Variants in SH3TC1 observed in about 807,000 individuals in gnomAD.
SH3TC1 encodes SH3 domain and tetratricopeptide repeat-containing protein 1.
In SH3TC1, 135 loss-of-function variants were observed where a neutral mutation model predicts 117.3. The observed-to-expected ratio is 1.15, with a 90% CI of 1.00 to 1.33. SH3TC1 has a LOEUF of 1.33. Among genes scored for constraint, SH3TC1 ranks in the 40% most tolerant of loss-of-function variants. SH3TC1 has a pLI of 0.00. For missense variants in SH3TC1, 2,092 were observed against 1,794.3 expected (o/e 1.17, Z -3.00); for synonymous variants, 898 against 816.9 (o/e 1.10, Z -1.69).
chr4:8,203,569 C>T (rs1038262119), intron 1 of SH3TC1, among the ~76,000 whole-genome samples: 3 of 152,082 alleles, frequency 2.0e-5, no homozygotes, highest in African/African-American at 7.2e-5. Flanking sequence ...ATTTTCCGTG[C>T]TGCTGTCTAA....
chr4:8,212,832 A>T lies in SH3TC1; in HGVS notation c.375+4A>T. ...GGAGATGGCCCGCGTGCTTGGGGTG[A>T]GTAGCCCTCTGGGGCCTGCTCAGGG... On this transcript the variant is annotated splice_donor_region_variant and intron_variant, in intron 4 of 17. Transcript: ENST00000245105. 1.3e-6 allele frequency: 2 copies of T among 1,567,580 alleles called. No homozygotes were observed. Among genetic ancestry groups the T allele is most frequent in the African/African-American group, 1.3e-5 (1 of 74,270 alleles).
chr4:8,207,690 C>T (rs1376868826), intron 2 of SH3TC1, among the ~76,000 whole-genome samples: 1 of 152,246 alleles, frequency 6.6e-6, no homozygotes, highest in South Asian at 2.1e-4. Flanking sequence ...CCTATTTTGT[C>T]ATTCAAATCA....
intron 1 of SH3TC1, among the ~76,000 whole-genome samples, chr4:8,189,186 T>C (rs1220831057): frequency 6.6e-6 from 1 of 152,266 alleles, no homozygotes; most frequent in Non-Finnish European, 1.5e-5. Flanking sequence ...CACTGGCACT[T>C]GGTTTGTTAG....
At position 8,235,566 on chromosome 4, in the gene SH3TC1, C is replaced by T. The variant is rs753617459; in HGVS notation, c.3405+11C>T. On this transcript the variant is annotated intron_variant, in intron 15 of 17. Transcript: ENST00000245105. The stretch of plus-strand genomic sequence containing the variant: ...GTGTCCTTCTACCGGGTGAGCTGGC[C>T]TGTGGGCTGATGTGGGTGGGCCCCA... 1.3e-6 allele frequency: 2 copies of T among 1,584,718 alleles called. No homozygotes were observed. Among genetic ancestry groups the T allele is most frequent in the Non-Finnish European group, 1.7e-6 (2 of 1,163,802 alleles).
At chr4:8,219,551 C>G in intron 9 of SH3TC1, 21 bp downstream of exon 9, 1 of 1,499,756 alleles carries the variant, frequency 6.7e-7, no homozygotes. Flanking sequence ...GGAGCCCCGC[C>G]CCTTTCCTGA....
At chr4:8,226,102 A>G (rs1720437102) in intron 11 of SH3TC1, among the ~76,000 whole-genome samples, 1 of 152,210 alleles carries the variant, frequency 6.6e-6, no homozygotes, top group South Asian at 2.1e-4. Flanking sequence ...GACAGTTTGT[A>G]GTGAAAATAT....
chr4:8,232,157 GTGAGGGCTGGCTC>G lies in SH3TC1; in HGVS notation c.3131+4_3131+16del, dbSNP rs767404185. On this transcript the variant is annotated splice_donor_variant and splice_donor_5th_base_variant and intron_variant, in intron 13 of 17. Coordinates refer to ENST00000245105, the MANE Select transcript of SH3TC1 (RefSeq NM_018986.5). LOFTEE classifies it high-confidence loss of function. ...TCTACCTGTCCCTGGGCACCGAGCGGTGAGGGCTGGCTCTGTGGTGGTGGGGGCGGGGGGAGGG... is the reference window on the plus strand; with the variant it reads ...TCTACCTGTCCCTGGGCACCGAGCGGTGTGGTGGTGGGGGCGGGGGGAGGG... The G allele has an allele frequency of 3.0e-5, 41 of 1,371,616 alleles. No homozygotes were observed. Among genetic ancestry groups the G allele is most frequent in the Non-Finnish European group, 3.9e-5 (40 of 1,032,996 alleles). 85.0% of individuals were successfully genotyped at this position (1,371,616 alleles called of 1,614,324 possible). A position where few individuals can be genotyped will look rare whatever the true frequency, so the allele number is the denominator to read the frequency against.
intron 6 of SH3TC1, 82 bp downstream of exon 6, chr4:8,216,339 G>C (rs1039704477): frequency 1.3e-6 from 2 of 1,535,002 alleles, no homozygotes; most frequent in Non-Finnish European, 1.8e-6. Context: ...GGATCCCGCT[G>C]TGCTGAGCAT....
At position 8,232,790 on chromosome 4, in the gene SH3TC1, A is replaced by G. The variant is rs1721366289; in HGVS notation, c.3132-573A>G. On this transcript the variant is annotated intron_variant, in intron 13 of 17. Transcript: ENST00000245105. Reference sequence around the variant, plus strand: ...GCCGGATTCCACAGGGACCCGGGAGATCGGCTCCAGCCTTGGCCTCAGGTT... The same window carrying G: ...GCCGGATTCCACAGGGACCCGGGAGGTCGGCTCCAGCCTTGGCCTCAGGTT... 31 of 1,288,394 alleles carry G rather than the reference A, an allele frequency of 2.4e-5. No homozygotes were observed. In the South Asian group the frequency reaches 3.2e-4, roughly 13 times the overall value. 79.8% of individuals were successfully genotyped at this position (1,288,394 alleles called of 1,614,324 possible). A position where few individuals can be genotyped will look rare whatever the true frequency, so the allele number is the denominator to read the frequency against.
In SH3TC1 at chr4:8,183,419, T is replaced by C. The variant is rs1376468455; in HGVS notation, c.-57+1209T>C. 6.6e-6 allele frequency among the ~76,000 whole-genome samples: 1 copy of C among 152,154 alleles called. No individual in the cohort carries two copies. The highest frequency in any genetic ancestry group is 6.5e-5 in the Admixed American group (1 of 15,276). Reference sequence around the variant, plus strand: ...GCATCTCTGTGATTAACTCACTCCCTGTACAGTAGAGGGAGGCGTGGCCCA... The same window carrying C: ...GCATCTCTGTGATTAACTCACTCCCCGTACAGTAGAGGGAGGCGTGGCCCA... On this transcript the variant is annotated intron_variant, in intron 1 of 16. Coordinates refer to the SH3TC1 transcript ENST00000508641. This position sits in a 1 kb window ranked among gnomAD's most constrained non-coding sequence, Gnocchi z 5.4.
intron 10 of SH3TC1, chr4:8,224,554 T>C (rs1470307869): frequency 6.6e-6 from 1 of 152,512 alleles, no homozygotes; most frequent in African/African-American, 2.4e-5. Context: ...GTTATCGCAG[T>C]TCACAGCGCT....
chr4:8,183,400 C>T lies in SH3TC1; in HGVS notation c.-57+1190C>T, dbSNP rs1177659697. On this transcript the variant is annotated intron_variant, in intron 1 of 16. Transcript: ENST00000508641. This position sits in a 1 kb window ranked among gnomAD's most constrained non-coding sequence, Gnocchi z 5.4. ...GAAACCGGCCCTGCCCCACGCATCT[C>T]TGTGATTAACTCACTCCCTGTACAG... Among the ~76,000 whole-genome samples the T allele has an allele frequency of 6.6e-6, 1 of 152,182 alleles. No homozygotes were observed. The highest frequency in any genetic ancestry group is 1.5e-5 in the Non-Finnish European group (1 of 68,026).
rs564076543 is a variant in SH3TC1, at chr4:8,209,703, C to T, written c.173-45C>T. ...GTTTGGCGCCTTCAGAGGAGCCAGG[C>T]CTTTGCTTGGTCTCCCCTAATCCTG... On this transcript the variant is annotated intron_variant, in intron 2 of 17. Transcript: ENST00000245105. This position sits in a 1 kb window ranked among gnomAD's most constrained non-coding sequence, Gnocchi z 5.9. 3.2e-4 allele frequency: 511 copies of T among 1,612,178 alleles called. 10 individuals carry two copies. In the South Asian group the frequency reaches 5.3e-3, roughly 17 times the overall value.
chr4:8,188,728 G>C (rs764239581), intron 1 of SH3TC1, among the ~76,000 whole-genome samples: 5 of 152,228 alleles, frequency 3.3e-5, no homozygotes, highest in African/African-American at 4.8e-5. Context: ...ACACCAAAGT[G>C]GTGGGCCACG....
intron 1 of SH3TC1, chr4:8,204,954 A>G: frequency 2.6e-6 from 1 of 383,840 alleles, no homozygotes; most frequent in East Asian, 3.9e-5. Flanking sequence ...AAGGGAGCAC[A>G]GCAAACCCGA....
rs1721714707 is a variant in SH3TC1 at position 8,235,413 on chromosome 4, G to T, written c.3283-20G>T. 6.8e-7 allele frequency: 1 copy of T among 1,471,244 alleles called. No homozygotes were observed. The highest frequency in any genetic ancestry group is 9.1e-7 in the Non-Finnish European group (1 of 1,102,762). The allele number at this position is 1,471,244 out of a possible 1,614,324, so 91.1% of individuals were successfully genotyped here. ...ACCTCACCAGGTGTGGGTCTTGAGG[G>T]AACTTCTGCCTCCTTTCAGGTGGCA... On this transcript the variant is annotated intron_variant, in intron 14 of 17. Coordinates refer to ENST00000245105, the MANE Select transcript of SH3TC1 (RefSeq NM_018986.5).
rs1327304244 is a variant in SH3TC1, at chr4:8,225,701, T to A, written c.1285+485T>A. On this transcript the variant is annotated intron_variant, in intron 11 of 17. Transcript: ENST00000245105. This position sits in a 1 kb window ranked among gnomAD's most constrained non-coding sequence, Gnocchi z 5.5. ...GACCCTTCCATCTCCCCTCTACAGC[T>A]CTGTCTCTTCCCCTCACACAGGGTC... Among the ~76,000 whole-genome samples the A allele has an allele frequency of 6.6e-6, 1 of 152,186 alleles. No individual in the cohort carries two copies. The highest frequency in any genetic ancestry group is 1.5e-5 in the Non-Finnish European group (1 of 68,018).
chr4:8,238,291 G>T (rs917018479), intron 17 of SH3TC1, among the ~76,000 whole-genome samples: 1 of 152,220 alleles, frequency 6.6e-6, no homozygotes, highest in Non-Finnish European at 1.5e-5. Flanking sequence ...CAGACAGCCA[G>T]GCTGAGGCCT....
chr4:8,205,758 A>T lies in SH3TC1; in HGVS notation c.172+392A>T. 1 of 670,250 alleles carries T rather than the reference A, an allele frequency of 1.5e-6. No individual in the cohort carries two copies. The allele number at this position is 670,250 out of a possible 1,614,324, so 41.5% of individuals were successfully genotyped here. A position where few individuals can be genotyped will look rare whatever the true frequency, so the allele number is the denominator to read the frequency against. On this transcript the variant is annotated intron_variant, in intron 2 of 17. Coordinates refer to ENST00000245105, the MANE Select transcript of SH3TC1 (RefSeq NM_018986.5). The surrounding 1 kb of genome is among the most constrained non-coding windows in gnomAD (Gnocchi z 5.4). ...TCTCCAGGAGGCACCCAAGGTGCAG[A>T]GAGGGAAGGGCCGGGCCAGGCCACC... is the stretch of plus-strand genomic sequence containing the variant.
Sources: allele counts gnomAD v4.1 joint callset (sites outside exome capture counted in the v4.1 genomes callset), GRCh38; gene constraint gnomAD v4.1.1; non-coding constraint Gnocchi (gnomAD v3.1); transcripts MANE v1.5; gene names NCBI Gene and HGNC (gene_info 2026-07-23, HGNC 2026-07-21).